Variants in HMCN1 observed in about 807,000 individuals in gnomAD.
The protein encoded by HMCN1 is hemicentin 1.
Under a neutral mutation model 625.9 loss-of-function variants are expected in HMCN1, and 321 were observed. The observed-to-expected ratio is 0.51, with a 90% confidence interval of 0.47 to 0.56. The LOEUF is 0.56. Among genes scored for constraint, HMCN1 ranks in the 20% least tolerant of loss-of-function variants. The pLI is 0.00. For missense variants in HMCN1, 6,588 were observed against 6,887.3 expected (o/e 0.96, Z 1.54); for synonymous variants, 2,425 against 2,417.6 (o/e 1.00, Z -0.09).
At chr1:185,922,318 G>T in intron 6 of HMCN1, 61 bp from the exon 7 acceptor site, 2 of 1,597,848 alleles carry the variant, frequency 1.3e-6, no homozygotes, top group Non-Finnish European at 1.7e-6. Flanking sequence ...ACTGGCGAGG[G>T]TTGCATATGA....
At chr1:185,943,095 G>A (rs887910751) in intron 11 of HMCN1, among the ~76,000 whole-genome samples, 5 of 152,136 alleles carry the variant, frequency 3.3e-5, no homozygotes, top group African/African-American at 1.2e-4. Context: ...ACAGGGTCTT[G>A]GAAGGATCTG....
rs1884662 is a variant in HMCN1, at chr1:186,007,112, G to C, written c.4476-16G>C. 3 of 1,601,094 alleles carry C rather than the reference G, an allele frequency of 1.9e-6. No homozygotes were observed. The highest frequency in any genetic ancestry group is 1.1e-5 in the South Asian group (1 of 90,798). On this transcript the variant is annotated splice_polypyrimidine_tract_variant and intron_variant, in intron 29 of 106. Coordinates refer to ENST00000271588, the MANE Select transcript of HMCN1 (RefSeq NM_031935.3). ...ACTGAAAATAGACCCATGGAATAAA[G>C]TTTTATTTTTTCTAGGCCTTTATTT...
chr1:185,781,756 C>CTT (rs1455722690), intron 1 of HMCN1, among the ~76,000 whole-genome samples: 1 of 152,164 alleles, frequency 6.6e-6, no homozygotes, highest in Admixed American at 6.5e-5. Context: ...CCGTATAGTG[C>CTT]TTTTCTTCCA....
intron 97 of HMCN1, among the ~76,000 whole-genome samples, chr1:186,162,317 A>T (rs1651552628): frequency 2.0e-5 from 3 of 150,422 alleles, no homozygotes; most frequent in Admixed American, 2.0e-4. Context: ...TTATACATTC[A>T]TCTACATTTT....
intron 33 of HMCN1, 45 bp downstream of exon 33, chr1:186,017,116 T>G: frequency 3.9e-6 from 4 of 1,016,198 alleles, no homozygotes; most frequent in Non-Finnish European, 6.3e-6. Flanking sequence ...GCTTTTTGTT[T>G]TGAGTGTTTT....
intron 4 of HMCN1, among the ~76,000 whole-genome samples, chr1:185,883,106 T>C (rs1324522183): frequency 6.6e-6 from 1 of 152,048 alleles, no homozygotes; most frequent in Admixed American, 6.6e-5. Flanking sequence ...AAAGAATGAG[T>C]GAGTGAATAC....
In HMCN1 at chr1:186,113,632, G is replaced by A. The variant is rs138807723; in HGVS notation, c.11132-347G>A. Among the ~76,000 whole-genome samples, 653 of 152,288 alleles carry A rather than the reference G, an allele frequency of 4.3e-3. 14 individuals carry two copies. The highest frequency in any genetic ancestry group is 0.041 in the South Asian group (200 of 4,828). On this transcript the variant is annotated intron_variant, in intron 72 of 106. Transcript: ENST00000271588. Reference sequence around the variant, plus strand: ...TTAAAGTGAAGCTGTTCCAGTGTTAGCATTCTCTGACCATTATTTGGCCAA... The same window carrying A: ...TTAAAGTGAAGCTGTTCCAGTGTTAACATTCTCTGACCATTATTTGGCCAA...
intron 1 of HMCN1, among the ~76,000 whole-genome samples, chr1:185,820,689 G>C (rs1359757415): frequency 6.6e-6 from 1 of 152,082 alleles, no homozygotes; most frequent in Admixed American, 6.6e-5. Flanking sequence ...TAGAGGATTG[G>C]TATGATTAAA....
intron 4 of HMCN1, among the ~76,000 whole-genome samples, chr1:185,903,362 A>G (rs1665923290): frequency 6.6e-6 from 1 of 151,790 alleles, no homozygotes; most frequent in South Asian, 2.1e-4. Context: ...ACTGAGCCCA[A>G]ATTTTCTAAG....
intron 83 of HMCN1, 66 bp downstream of exon 83, chr1:186,128,357 T>G: frequency 7.8e-7 from 1 of 1,279,356 alleles, no homozygotes; most frequent in African/African-American, 1.5e-5. Flanking sequence ...GAAGCTCTGT[T>G]TCCTCCAGCT....
At chr1:185,800,004 T>C (rs183202616) in intron 1 of HMCN1, among the ~76,000 whole-genome samples, 136 of 152,194 alleles carry the variant, frequency 8.9e-4, no homozygotes, top group African/African-American at 3.1e-3. Context: ...CCAGCCCTGA[T>C]GGGGTCAGAA....
chr1:186,120,275 C>T, intron 80 of HMCN1, 130 bp downstream of exon 80: 1 of 1,046,856 alleles, frequency 9.6e-7, no homozygotes, highest in Non-Finnish European at 1.4e-6. Flanking sequence ...TTGCATTATC[C>T]TATTGGTTTT....
At chr1:185,931,228 C>T (rs941491742) in intron 10 of HMCN1, among the ~76,000 whole-genome samples, 1 of 152,114 alleles carries the variant, frequency 6.6e-6, no homozygotes, top group Non-Finnish European at 1.5e-5. Context: ...CAAGCCTATG[C>T]TTGTCATCTT....
chr1:185,963,384 A>T (rs1368729981), intron 12 of HMCN1, among the ~76,000 whole-genome samples: 2 of 152,092 alleles, frequency 1.3e-5, no homozygotes, highest in East Asian at 3.9e-4. Context: ...GCAATCCACC[A>T]CATGGAGCAA....
intron 1 of HMCN1, among the ~76,000 whole-genome samples, chr1:185,790,373 C>A (rs933897306): frequency 6.6e-6 from 1 of 152,200 alleles, no homozygotes; most frequent in Non-Finnish European, 1.5e-5. Flanking sequence ...TTTCCTTAGA[C>A]TGTGATGCTA....
intron 1 of HMCN1, among the ~76,000 whole-genome samples, chr1:185,741,448 C>A (rs1160772614): frequency 6.6e-6 from 1 of 152,056 alleles, no homozygotes; most frequent in African/African-American, 2.4e-5. Flanking sequence ...GATTTAAGTT[C>A]AAGGGGAGAT....
chr1:185,788,011 A>G (rs1657744060), intron 1 of HMCN1, among the ~76,000 whole-genome samples: 2 of 152,218 alleles, frequency 1.3e-5, no homozygotes. Flanking sequence ...ATACCCAGGC[A>G]GTAGCAGGTC....
chr1:185,843,579 C>A (rs1415960796), intron 1 of HMCN1, among the ~76,000 whole-genome samples: 1 of 152,080 alleles, frequency 6.6e-6, no homozygotes, highest in East Asian at 1.9e-4. Flanking sequence ...TGGCACAGGG[C>A]TCTGTTATGT....
At chr1:186,114,977 C>T (rs2102474388) in intron 74 of HMCN1, 31 bp downstream of exon 74, 1 of 1,613,904 alleles carries the variant, frequency 6.2e-7, no homozygotes, top group South Asian at 1.1e-5. Flanking sequence ...AACATCCGGT[C>T]TCTGTGTCAA....
Sources: gnomAD v4.1 joint callset for allele counts (sites outside exome capture counted in the v4.1 genomes callset) on GRCh38, gnomAD v4.1.1 for gene constraint, MANE v1.5 for transcripts, NCBI Gene and HGNC (gene_info 2026-07-23, HGNC 2026-07-21) for gene names.